Variants in FCRL3 observed in about 807,000 individuals in gnomAD.
The protein encoded by FCRL3 is Fc receptor like 3.
Under a neutral mutation model 75.0 loss-of-function variants are expected in FCRL3, and 89 were observed. The ratio of observed to expected loss-of-function variants is 1.19; its 90% CI spans 1.00 to 1.42. The LOEUF is 1.42. Among genes scored for constraint, FCRL3 ranks in the 40% most tolerant of loss-of-function variants. The pLI, the probability that FCRL3 is intolerant of heterozygous loss-of-function variation, is 0.00. For synonymous variants in FCRL3, 376 were observed against 348.5 expected (o/e 1.08, Z -0.88); for missense variants, 946 against 880.0 (o/e 1.07, Z -0.95).
At chr1:157,679,092 C>T in intron 13 of FCRL3, 119 bp from the exon 14 acceptor site, 3 of 1,157,432 alleles carry the variant, frequency 2.6e-6, no homozygotes. Flanking sequence ...CTTGCTGTTT[C>T]CTCTGCTGGA....
chr1:157,682,336 G>A (rs1654906999), intron 11 of FCRL3, among the ~76,000 whole-genome samples: 1 of 151,986 alleles, frequency 6.6e-6, no homozygotes, highest in Non-Finnish European at 1.5e-5. Context: ...TGTCCTGAAT[G>A]GTATTGCCTA....
chr1:157,684,253 C>T lies in FCRL3; in HGVS notation c.1811-1009G>A, dbSNP rs1333450784. 3.3e-5 allele frequency among the ~76,000 whole-genome samples: 5 copies of T among 152,244 alleles called. No homozygotes were observed. The East Asian group carries it at 9.7e-4, about 29-fold the overall frequency. ...CCCCAATACAAGCCTTATCCAGGTT[C>T]CCATCCTTGTCCTTTGCCTTTTTAA... On this transcript the variant is annotated intron_variant, in intron 10 of 14. Coordinates refer to ENST00000368184, the MANE Select transcript of FCRL3 (RefSeq NM_052939.4).
In FCRL3 at chr1:157,678,384, G is replaced by A. The variant is rs1454279662; in HGVS notation, c.*326C>T. The A allele has an allele frequency of 8.6e-7, 1 of 1,161,696 alleles. No individual in the cohort carries two copies. Among genetic ancestry groups the A allele is most frequent in the Non-Finnish European group, 1.1e-6 (1 of 936,968 alleles). 72.0% of individuals were successfully genotyped at this position (1,161,696 alleles called of 1,614,324 possible). A position where few individuals can be genotyped will look rare whatever the true frequency, so the allele number is the denominator to read the frequency against. On this transcript the variant is annotated 3_prime_UTR_variant, in exon 15 of 15. Coordinates refer to ENST00000368184, the MANE Select transcript of FCRL3 (RefSeq NM_052939.4). ...CTTTCGATCACACTTGGATCAAATG[G>A]TCATGATTGTGCCCTTGTAACCCTG...
rs375830783 is a variant in FCRL3 at position 157,680,650 on chromosome 1, G to A, written c.2026+52C>T. The A allele has an allele frequency of 1.0e-4, 155 of 1,504,060 alleles. 1 individual carries two copies. Among genetic ancestry groups the A allele is most frequent in the South Asian group, 2.8e-4 (25 of 88,270 alleles). 93.2% of individuals were successfully genotyped at this position (1,504,060 alleles called of 1,614,324 possible). A position where few individuals can be genotyped will look rare whatever the true frequency, so the allele number is the denominator to read the frequency against. On this transcript the variant is annotated intron_variant, in intron 13 of 14. Coordinates refer to ENST00000368184, the MANE Select transcript of FCRL3 (RefSeq NM_052939.4). Reference sequence around the variant, plus strand: ...AACTCTGATCAAAGACCCCTTGCCCGTTTCAATAAAACACTGCCACCTCAC... The same window carrying A: ...AACTCTGATCAAAGACCCCTTGCCCATTTCAATAAAACACTGCCACCTCAC...
intron 8 of FCRL3, among the ~76,000 whole-genome samples, chr1:157,690,861 G>A (rs140676365): frequency 1.3e-5 from 2 of 152,122 alleles, no homozygotes; most frequent in East Asian, 3.9e-4. Context: ...TAAAATCAAG[G>A]TTTCTAAAAT....
At chr1:157,695,702 C>T (rs1655842403) in intron 7 of FCRL3, 95 bp from the exon 8 acceptor site, 2 of 1,376,306 alleles carry the variant, frequency 1.5e-6, no homozygotes, top group South Asian at 3.0e-5. Flanking sequence ...TCCCTTGTCC[C>T]TTGATTGTTT....
intron 4 of FCRL3, 156 bp from the exon 5 acceptor site, chr1:157,698,075 C>T (rs975914637): frequency 1.2e-6 from 1 of 858,622 alleles, no homozygotes; most frequent in Non-Finnish European, 1.8e-6. Context: ...TTCTTCCTTG[C>T]CCTACAAGGG....
chr1:157,690,190 A>G (rs1655425837), intron 9 of FCRL3, 65 bp downstream of exon 9: 4 of 1,572,332 alleles, frequency 2.5e-6, no homozygotes, highest in Non-Finnish European at 3.5e-6. Context: ...GAATTTGTAC[A>G]ATCTGTCAGA....
At chr1:157,694,769 A>G (rs1387602946) in intron 8 of FCRL3, among the ~76,000 whole-genome samples, 3 of 152,156 alleles carry the variant, frequency 2.0e-5, no homozygotes, top group Non-Finnish European at 4.4e-5. Flanking sequence ...ATCAGAAGGC[A>G]TTTGAAAAAA....
In FCRL3 at chr1:157,697,675, T is replaced by TA; in HGVS notation, c.542dup (p.Asn182LysfsTer31). The TA allele has an allele frequency of 6.2e-7, 1 of 1,613,580 alleles. No homozygotes were observed. The highest frequency in any genetic ancestry group is 8.5e-7 in the Non-Finnish European group (1 of 1,179,848). On this transcript the variant is annotated frameshift_variant, in exon 5 of 15. Transcript: ENST00000368184. LOFTEE classifies it high-confidence loss of function. Reference sequence around the variant, plus strand: ...AGCCATTACCTTGAACTTGGATATTTAGGGGTTTTGAAGTTACTTCAATGT... The same window carrying TA: ...AGCCATTACCTTGAACTTGGATATTTAAGGGGTTTTGAAGTTACTTCAATGT...
rs1384955010 is a variant in FCRL3 at position 157,695,443 on chromosome 1, C to T, written c.1297G>A (p.Gly433Arg). Reference protein sequence around the residue: ...TLGNSSAPSGGGASFNLSLTA... With the variant: ...TLGNSSAPSGRGASFNLSLTA... Reference sequence around the variant, plus strand: ...AGAGAGAGGTTGAAGGAGGCTCCTCCTCCAGAGGGGGCTGAGCTGTTCCCC... The same window carrying T: ...AGAGAGAGGTTGAAGGAGGCTCCTCTTCCAGAGGGGGCTGAGCTGTTCCCC... The change falls in exon 8 of 15, where the codon GGA becomes AGA. Residue 433 changes from glycine to arginine, a missense_variant. Gly to Arg is a moderately radical substitution (Grantham distance 125). Transcript: ENST00000368184. The T allele has an allele frequency of 9.9e-6, 16 of 1,614,080 alleles. No individual in the cohort carries two copies. Among genetic ancestry groups the T allele is most frequent in the East Asian group, 2.2e-5 (1 of 44,892 alleles).
In FCRL3 at chr1:157,698,582, C is replaced by T. The variant is rs1176987627; in HGVS notation, c.100G>A (p.Ala34Thr). 1.9e-6 allele frequency: 3 copies of T among 1,613,932 alleles called. No homozygotes were observed. Among genetic ancestry groups the T allele is most frequent in the Non-Finnish European group, 2.5e-6 (3 of 1,179,890 alleles). ...VLLLNPPWST[A>T]FKGEKVALIC... is the part of the protein sequence containing the mutation. Reference sequence around the variant, plus strand: ...AGAGCCACTTTTTCTCCTTTGAAGGCTGTGGACCATGGAGGATTGAGGAGA... The same window carrying T: ...AGAGCCACTTTTTCTCCTTTGAAGGTTGTGGACCATGGAGGATTGAGGAGA... The change falls in exon 4 of 15, where the codon GCC (alanine) becomes ACC (threonine). Residue 34 changes from alanine (A) to threonine (T), a missense_variant. Physicochemically the swap from Ala to Thr is moderately conservative, Grantham distance 58. Transcript: ENST00000368184.
intron 7 of FCRL3, 36 bp downstream of exon 7, chr1:157,696,004 G>A: frequency 6.4e-7 from 1 of 1,565,524 alleles, no homozygotes; most frequent in Non-Finnish European, 8.6e-7. Context: ...ACCCTGGCTT[G>A]CAACTCGAGG....
chr1:157,692,303 A>G (rs529345572), intron 8 of FCRL3, among the ~76,000 whole-genome samples: 12 of 152,124 alleles, frequency 7.9e-5, no homozygotes, highest in South Asian at 2.1e-4. Flanking sequence ...CAGTGGTGCA[A>G]TCATGACTCA....
At position 157,678,302 on chromosome 1, in the gene FCRL3, A is replaced by G; in HGVS notation, c.*408T>C. The G allele has an allele frequency of 9.9e-7, 1 of 1,012,788 alleles. No homozygotes were observed. The highest frequency in any genetic ancestry group is 1.2e-6 in the Non-Finnish European group (1 of 846,444). The allele number at this position is 1,012,788 out of a possible 1,614,324, so 62.7% of individuals were successfully genotyped here. On this transcript the variant is annotated 3_prime_UTR_variant, in exon 15 of 15. Transcript: ENST00000368184. Reference sequence around the variant, plus strand: ...TCAGCAATGCCACTACCAGCCACACAAAAAAGGGAAACAAAATATTTGGAG... The same window carrying G: ...TCAGCAATGCCACTACCAGCCACACGAAAAAGGGAAACAAAATATTTGGAG...
chr1:157,683,678 T>C (rs1051843928), intron 10 of FCRL3, among the ~76,000 whole-genome samples: 3 of 152,188 alleles, frequency 2.0e-5, no homozygotes, highest in Non-Finnish European at 4.4e-5. Flanking sequence ...GGGACTACCA[T>C]GATAAGCTCT....
At chr1:157,693,610 T>C (rs1655696939) in intron 8 of FCRL3, among the ~76,000 whole-genome samples, 1 of 152,224 alleles carries the variant, frequency 6.6e-6, no homozygotes, top group South Asian at 2.1e-4. Context: ...AAATGAAGCA[T>C]ATTCAATTAT....
At chr1:157,698,726 C>A in intron 3 of FCRL3, 97 bp from the exon 4 acceptor site, 1 of 1,306,568 alleles carries the variant, frequency 7.7e-7, no homozygotes, top group Non-Finnish European at 1.1e-6. Flanking sequence ...TTTTCCTGGA[C>A]TAATTTCCAG....
chr1:157,684,384 T>C, intron 10 of FCRL3, among the ~76,000 whole-genome samples: 1 of 152,066 alleles, frequency 6.6e-6, no homozygotes, highest in East Asian at 1.9e-4. Context: ...TAACTCCCTG[T>C]TCCTCAGGGA....
Sources: allele counts gnomAD v4.1 joint callset (sites outside exome capture counted in the v4.1 genomes callset), GRCh38; gene constraint gnomAD v4.1.1; transcripts MANE v1.5; gene names NCBI Gene and HGNC (gene_info 2026-07-23, HGNC 2026-07-21).